MED23: variants seen among roughly 807,000 people sequenced by gnomAD.
MED23 encodes the protein mediator of RNA polymerase II transcription subunit 23.
Under a neutral mutation model 163.9 loss-of-function variants are expected in MED23, and 105 were observed. The observed-to-expected ratio is 0.64, with a 90% confidence interval of 0.55 to 0.75. MED23 has a LOEUF of 0.75. Ranked by LOEUF, MED23 falls within the 30% of genes least tolerant of loss-of-function variation. The pLI, the probability that MED23 is intolerant of heterozygous loss-of-function variation, is 0.00. For missense variants in MED23, 1,054 were observed against 1,649.0 expected (o/e 0.64, Z 6.25); for synonymous variants, 561 against 565.6 (o/e 0.99, Z 0.12).
intron 20 of MED23, among the ~76,000 whole-genome samples, chr6:131,597,475 C>CAAAAA (rs59083644): frequency 5.4e-3 from 283 of 52,800 alleles, no homozygotes; most frequent in Non-Finnish European, 8.0e-3. Context: ...GACTCCATAT[C>CAAAAA]AAAAAAAAAA....
intron 10 of MED23, 21 bp downstream of exon 10, chr6:131,615,886 G>A: frequency 6.4e-7 from 1 of 1,562,214 alleles, no homozygotes; most frequent in Middle Eastern, 1.7e-4. Flanking sequence ...AATTTACTAG[G>A]TTTCCAGCAT....
At chr6:131,607,833 T>G (rs1454838762) in intron 12 of MED23, 95 bp downstream of exon 12, 6 of 1,390,550 alleles carry the variant, frequency 4.3e-6, no homozygotes, top group Non-Finnish European at 6.1e-6. Context: ...AGCATAAACT[T>G]TAGAAATACA....
Position 131,600,211 on chromosome 6 carries a change from C to T in MED23, c.2096-49G>A. The T allele has an allele frequency of 3.3e-6, 5 of 1,496,820 alleles. No individual in the cohort carries two copies. The South Asian group carries it at 4.6e-5, about 14-fold the overall frequency. 92.7% of individuals were successfully genotyped at this position (1,496,820 alleles called of 1,614,324 possible). A position where few individuals can be genotyped will look rare whatever the true frequency, so the allele number is the denominator to read the frequency against. On this transcript the variant is annotated intron_variant, in intron 17 of 28. Coordinates refer to ENST00000368068, the MANE Select transcript of MED23 (RefSeq NM_004830.4). The stretch of plus-strand genomic sequence containing the variant: ...ATCCAGATATAAATGATTATATCCA[C>T]AATTCATAAAAGATTATAGCGAAAA...
chr6:131,599,732 G>GT (rs1035941824), intron 18 of MED23, among the ~76,000 whole-genome samples: 3 of 150,990 alleles, frequency 2.0e-5, no homozygotes, highest in African/African-American at 7.3e-5. Context: ...GAGAGATTTT[G>GT]TAAGTAATGA....
rs2114591855 is a variant in MED23, at chr6:131,591,509, G to A, written c.3490C>T (p.Leu1164Phe). Residue 1164 changes from leucine (L) to phenylalanine (F), a missense_variant, in exon 26 of 29, where the codon CTT becomes TTT. Leu to Phe is a conservative substitution (Grantham distance 22, BLOSUM62 0). This residue lies in a region of MED23 where 362 missense variants were observed against 471.6 expected (regional missense o/e 0.77). Coordinates refer to ENST00000368068, the MANE Select transcript of MED23 (RefSeq NM_004830.4). The part of the protein sequence containing the change: ...TALPEPYWIV[L>F]HDRIVSVISS... ...ATGACACTCACAATTCGATCATGAA[G>A]AACAATCCAATATGGCTCCTTTAAA... The A allele has an allele frequency of 6.2e-7, 1 of 1,613,308 alleles. No individual in the cohort carries two copies. The highest frequency in any genetic ancestry group is 8.5e-7 in the Non-Finnish European group (1 of 1,179,618).
chr6:131,593,197 T>G, intron 23 of MED23, 26 bp from the exon 24 acceptor site: 1 of 1,613,858 alleles, frequency 6.2e-7, no homozygotes, highest in Non-Finnish European at 8.5e-7. Flanking sequence ...GCAATAACAA[T>G]TGGACTATCT....
chr6:131,613,044 C>A (rs1446431912), intron 10 of MED23, among the ~76,000 whole-genome samples: 2 of 152,026 alleles, frequency 1.3e-5, no homozygotes, highest in South Asian at 2.1e-4. Flanking sequence ...TTTTCAATGT[C>A]ATTTTCTCTT....
intron 5 of MED23, 64 bp from the exon 6 acceptor site, chr6:131,622,043 C>T (rs1302798073): frequency 1.6e-5 from 20 of 1,227,884 alleles, no homozygotes; most frequent in African/African-American, 8.9e-5. Flanking sequence ...CTAAAACGTC[C>T]GAAGGTTTCA....
At chr6:131,602,469 A>T in intron 16 of MED23, 88 bp from the exon 17 acceptor site, 2 of 1,172,732 alleles carry the variant, frequency 1.7e-6, no homozygotes, top group Non-Finnish European at 2.4e-6. Context: ...AAAAACATGC[A>T]ATCTATGACT....
rs367549467 is a variant in MED23 at position 131,610,043 on chromosome 6, T to C, written c.1077+3A>G. ...CACTCCGACCATAAGATTTAGTACA[T>C]ACCTTCTGATGAAGAGAAAGCACCA... On this transcript the variant is annotated splice_donor_region_variant and intron_variant, in intron 11 of 28. Transcript: ENST00000368068. The C allele has an allele frequency of 9.9e-6, 16 of 1,612,684 alleles. No homozygotes were observed. The highest frequency in any genetic ancestry group is 9.4e-5 in the African/African-American group (7 of 74,852).
At chr6:131,626,222 A>G (rs150090345) in intron 3 of MED23, among the ~76,000 whole-genome samples, 1 of 152,200 alleles carries the variant, frequency 6.6e-6, no homozygotes, top group African/African-American at 2.4e-5. Flanking sequence ...TAATTTCTAT[A>G]AAAATTACAA....
chr6:131,610,606 A>G (rs937232384), intron 10 of MED23, among the ~76,000 whole-genome samples: 3 of 152,242 alleles, frequency 2.0e-5, no homozygotes, highest in Non-Finnish European at 4.4e-5. Context: ...GGATAGCAGT[A>G]TTAATTTTGC....
chr6:131,619,979 A>T, intron 7 of MED23, 83 bp from the exon 8 acceptor site: 1 of 845,046 alleles, frequency 1.2e-6, no homozygotes, highest in Non-Finnish European at 2.0e-6. Context: ...ATGAACATTT[A>T]TATAAAATGA....
intron 11 of MED23, 118 bp downstream of exon 11, chr6:131,609,928 A>G (rs1304728721): frequency 1.1e-6 from 1 of 944,598 alleles, no homozygotes; most frequent in Non-Finnish European, 1.7e-6. Context: ...ACTAAACAGG[A>G]CAGAAATTAG....
Position 131,602,391 on chromosome 6 carries a change from G to A in MED23, c.1932-10C>T. ...AGCAGTGCTCTCGACACTGAAAATT[G>A]GGAGAATAAAAAGAAATGTAAAAAA... On this transcript the variant is annotated splice_polypyrimidine_tract_variant and intron_variant, in intron 16 of 28. Coordinates refer to ENST00000368068, the MANE Select transcript of MED23 (RefSeq NM_004830.4). 1.2e-6 allele frequency: 2 copies of A among 1,610,288 alleles called. No homozygotes were observed. The highest frequency in any genetic ancestry group is 1.7e-6 in the Non-Finnish European group (2 of 1,178,332).
rs113747465 is a variant in MED23 at position 131,618,654 on chromosome 6, A to G, written c.668-135T>C. 4,655 of 660,540 alleles carry G rather than the reference A, an allele frequency of 7.0e-3. 35 individuals are homozygous for G. Among genetic ancestry groups the G allele is most frequent in the Non-Finnish European group, 0.011 (3,959 of 370,594 alleles). 40.9% of individuals were successfully genotyped at this position (660,540 alleles called of 1,614,324 possible). On this transcript the variant is annotated intron_variant, in intron 8 of 28. Coordinates refer to ENST00000368068, the MANE Select transcript of MED23 (RefSeq NM_004830.4). ...AAAAATGGCTTATAAAAATGTTTCA[A>G]TGAGACTGAAGGTTGGGAATTTTAT... is the stretch of plus-strand genomic sequence containing the variant.
Position 131,596,539 on chromosome 6 carries a change from G to T in MED23, c.2757C>A (p.Thr919=). The part of the protein sequence containing the change: ...PEHWLQNDWH[T]KHMNYHKKYP... ...GTACCTTGTGATAATTCATGTGCTT[G>T]GTGTGCCAGTCATTCTGTAACCAGT... The change falls in exon 21 of 29, where the codon ACC becomes ACA. Residue 919 remains threonine, a synonymous_variant. Coordinates refer to ENST00000368068, the MANE Select transcript of MED23 (RefSeq NM_004830.4). 6.2e-7 allele frequency: 1 copy of T among 1,614,082 alleles called. No homozygotes were observed. The highest frequency in any genetic ancestry group is 2.2e-5 in the East Asian group (1 of 44,864).
chr6:131,577,151 T>G (rs1375196363), intron 30 of MED23, among the ~76,000 whole-genome samples: 1 of 152,206 alleles, frequency 6.6e-6, no homozygotes, highest in Non-Finnish European at 1.5e-5. Flanking sequence ...GTGGGCGCAG[T>G]GTGTATATAT....
chr6:131,619,948 T>C, intron 7 of MED23, 52 bp from the exon 8 acceptor site: 1 of 1,091,218 alleles, frequency 9.2e-7, no homozygotes, highest in Non-Finnish European at 1.4e-6. Flanking sequence ...AAAAGGAAAA[T>C]TGAGACTGCC....
Sources: allele counts gnomAD v4.1 joint callset (sites outside exome capture counted in the v4.1 genomes callset), GRCh38; gene constraint gnomAD v4.1.1; regional missense constraint gnomAD v4.1.1; transcripts MANE v1.5; gene names NCBI Gene and HGNC (gene_info 2026-07-23, HGNC 2026-07-21).